Variants in TRIM61 observed in about 807,000 individuals in gnomAD.
TRIM61 encodes the protein tripartite motif containing 61.
A neutral mutation model predicts 14.2 loss-of-function variants in TRIM61; 1 was observed. That is an observed-to-expected ratio of 0.07 (90% CI 0.03 to 0.33). The LOEUF (loss-of-function observed/expected upper bound fraction) is 0.33. TRIM61 is among the 10% of genes least tolerant of loss of function. The pLI, the probability that TRIM61 is intolerant of heterozygous loss-of-function variation, is 0.99. For missense variants in TRIM61, 19 were observed against 202.2 expected (o/e 0.09, Z 5.49); for synonymous variants, 8 against 71.6 (o/e 0.11, Z 4.49).
chr4:164,963,244 T>G (rs1304509849), intron 3 of TRIM61, among the ~76,000 whole-genome samples: 4 of 152,086 alleles, frequency 2.6e-5, no homozygotes, highest in African/African-American at 9.7e-5. Flanking sequence ...GACCCTGTTT[T>G]AATCCTAGCA....
intron 3 of TRIM61, among the ~76,000 whole-genome samples, chr4:164,956,765 T>A (rs780186301): frequency 2.7e-4 from 41 of 151,980 alleles, no homozygotes; most frequent in Non-Finnish European, 4.9e-4. Flanking sequence ...TAGGGTTGGG[T>A]GGCAGAAGAG....
chr4:164,957,403 A>G (rs778862479), intron 3 of TRIM61: 1 of 1,614,012 alleles, frequency 6.2e-7, no homozygotes, highest in South Asian at 1.1e-5. Context: ...TCAGGAAGAG[A>G]ACCACCATCA....
At chr4:164,976,927 C>T (rs1359980707) in intron 1 of TRIM61, 102 bp from the exon 2 acceptor site, 2 of 152,116 alleles carry the variant, frequency 1.3e-5, no homozygotes, top group East Asian at 3.9e-4. Context: ...TTTACAGCTA[C>T]TCTGCAATTC....
At chr4:164,957,211 A>G (rs1290135840) in intron 3 of TRIM61, 2 of 1,613,886 alleles carry the variant, frequency 1.2e-6, no homozygotes, top group African/African-American at 1.3e-5. Flanking sequence ...TCAGACATCC[A>G]GGGACGACCA....
intron 3 of TRIM61, among the ~76,000 whole-genome samples, chr4:164,956,361 G>A (rs935841836): frequency 3.3e-5 from 5 of 152,150 alleles, no homozygotes; most frequent in Admixed American, 6.5e-5. Flanking sequence ...CTTCCATGCC[G>A]GGTATAAAAG....
At chr4:164,958,973 C>A (rs1441588189) in intron 3 of TRIM61, 10 of 167,004 alleles carry the variant, frequency 6.0e-5, no homozygotes. Context: ...CTATCTTTCC[C>A]CACAAATATC....
chr4:164,965,282 C>T (rs1377732355), intron 3 of TRIM61, among the ~76,000 whole-genome samples: 1 of 11,502 alleles, frequency 8.7e-5, no homozygotes, highest in Non-Finnish European at 1.5e-4. Flanking sequence ...AGTGAGCCTC[C>T]ATCTCAAAAA....
intron 1 of TRIM61, 103 bp from the exon 2 acceptor site, chr4:164,976,928 T>C (rs1732495669): frequency 6.6e-6 from 1 of 152,114 alleles, no homozygotes; most frequent in South Asian, 2.1e-4. Flanking sequence ...TTACAGCTAC[T>C]CTGCAATTCT....
At chr4:164,956,252 G>A (rs1217291715) in intron 3 of TRIM61, among the ~76,000 whole-genome samples, 2 of 152,234 alleles carry the variant, frequency 1.3e-5, no homozygotes, top group East Asian at 3.9e-4. Flanking sequence ...TTTTTGTACA[G>A]ACAGGGTTTC....
intron 3 of TRIM61, chr4:164,957,404 A>G: frequency 6.2e-7 from 1 of 1,614,032 alleles, no homozygotes; most frequent in Non-Finnish European, 8.5e-7. Flanking sequence ...CAGGAAGAGA[A>G]CCACCATCAG....
chr4:164,959,702 T>A (rs138390594), intron 3 of TRIM61, among the ~76,000 whole-genome samples: 1 of 152,278 alleles, frequency 6.6e-6, no homozygotes, highest in African/African-American at 2.4e-5. Context: ...AGAATCCAGT[T>A]TGAGAAATTA....
chr4:164,974,919 T>C (rs776889234), intron 2 of TRIM61, among the ~76,000 whole-genome samples: 7 of 151,694 alleles, frequency 4.6e-5, no homozygotes, highest in Admixed American at 2.6e-4. Context: ...ATTGGAAAAA[T>C]TGAGCCTGAA....
intron 2 of TRIM61, among the ~76,000 whole-genome samples, chr4:164,971,791 A>T (rs1732372489): frequency 6.6e-6 from 1 of 152,132 alleles, no homozygotes; most frequent in Non-Finnish European, 1.5e-5. Context: ...TAAGCAAGTC[A>T]AATTCCTCCA....
At chr4:164,957,319 T>C (rs1019922968) in intron 3 of TRIM61, 60 of 1,614,050 alleles carry the variant, frequency 3.7e-5, no homozygotes, top group Non-Finnish European at 5.0e-5. Flanking sequence ...AGAGGAATTT[T>C]AGTGGCAGCA....
chr4:164,973,451 T>C (rs534740320), intron 2 of TRIM61, among the ~76,000 whole-genome samples: 82 of 152,340 alleles, frequency 5.4e-4, no homozygotes, highest in Admixed American at 1.2e-3. Context: ...TATTTAATAA[T>C]GTATCCCAAA....
chr4:164,972,532 A>C (rs1732393041), intron 2 of TRIM61, among the ~76,000 whole-genome samples: 1 of 152,154 alleles, frequency 6.6e-6, no homozygotes, highest in South Asian at 2.1e-4. Flanking sequence ...TCTGTGGCCC[A>C]GGCTTGAGTG....
intron 2 of TRIM61, among the ~76,000 whole-genome samples, chr4:164,974,278 T>C (rs1268334407): frequency 6.6e-6 from 1 of 152,254 alleles, no homozygotes; most frequent in Non-Finnish European, 1.5e-5. Context: ...ACTGTAGTAG[T>C]GGTGTGCTTC....
At chr4:164,968,280 AT>A (rs1164405503) in intron 3 of TRIM61, 4 of 945,120 alleles carry the variant, frequency 4.2e-6, no homozygotes, top group Admixed American at 1.6e-4. Context: ...TATATAAGAA[AT>A]ACAGAAAAAA....
intron 3 of TRIM61, chr4:164,957,521 T>C (rs1430173072): frequency 1.3e-6 from 2 of 1,577,508 alleles, no homozygotes; most frequent in African/African-American, 2.7e-5. Context: ...AGGAAGAAGC[T>C]CACAGGGGAC....
Sources: gnomAD v4.1 joint callset for allele counts (sites outside exome capture counted in the v4.1 genomes callset) on GRCh38, gnomAD v4.1.1 for gene constraint, MANE v1.5 for transcripts, NCBI Gene and HGNC (gene_info 2026-07-23, HGNC 2026-07-21) for gene names.